Variants in GNB1 observed in about 807,000 individuals in gnomAD.
The protein encoded by GNB1 is guanine nucleotide-binding protein G(I)/G(S)/G(T) subunit beta-1.
Under a neutral mutation model 42.9 loss-of-function variants are expected in GNB1, and 2 were observed. The observed-to-expected ratio is 0.05, with a 90% CI of 0.02 to 0.15. The LOEUF is 0.15. GNB1 is among the 10% of genes least tolerant of loss of function. The probability of loss-of-function intolerance (pLI) is 1.00; values close to 1 mark genes in which losing one functional copy is unlikely to be tolerated. For missense variants in GNB1, 193 were observed against 462.2 expected, an observed-to-expected ratio of 0.42 and a Z score of 5.34; for synonymous variants, 183 against 174.7, an observed-to-expected ratio of 1.05 and a Z score of -0.38.
intron 1 of GNB1, among the ~76,000 whole-genome samples, chr1:1,842,875 C>T (rs1326280074): frequency 4.6e-5 from 7 of 152,220 alleles, no homozygotes; most frequent in Admixed American, 1.3e-4. Context: ...CTTCAGGAAG[C>T]GAAGCCTCGC....
intron 5 of GNB1, among the ~76,000 whole-genome samples, chr1:1,807,463 G>GGA (rs1369704288): frequency 7.8e-5 from 2 of 25,582 alleles, no homozygotes; most frequent in South Asian, 1.6e-3. Flanking sequence ...GATCCTGACT[G>GGA]AAAAAAAAAA....
chr1:1,828,758 G>T (rs907003715), intron 2 of GNB1, among the ~76,000 whole-genome samples: 1 of 152,062 alleles, frequency 6.6e-6, no homozygotes, highest in Non-Finnish European at 1.5e-5. Flanking sequence ...TTAAAAAGGC[G>T]TATTCCTGGC....
intron 1 of GNB1, among the ~76,000 whole-genome samples, chr1:1,854,436 A>C (rs1648154690): frequency 6.6e-6 from 1 of 152,248 alleles, no homozygotes; most frequent in African/African-American, 2.4e-5. Flanking sequence ...TGTTCAGTCC[A>C]ACTGCTATCC....
chr1:1,835,418 TG>T (rs556181679), intron 2 of GNB1, among the ~76,000 whole-genome samples: 2 of 152,206 alleles, frequency 1.3e-5, no homozygotes, highest in Admixed American at 6.5e-5. Context: ...TTAGAATCCA[TG>T]CAAGCCCCTT....
chr1:1,851,054 G>C (rs1647952826), intron 1 of GNB1, among the ~76,000 whole-genome samples: 1 of 152,196 alleles, frequency 6.6e-6, no homozygotes, highest in Admixed American at 6.6e-5. Flanking sequence ...CGGATCACAA[G>C]GTCAGGAGTT....
At chr1:1,889,797 G>GAA (rs1278810786) in intron 1 of GNB1, among the ~76,000 whole-genome samples, 1 of 151,968 alleles carries the variant, frequency 6.6e-6, no homozygotes, top group Non-Finnish European at 1.5e-5. Flanking sequence ...CGATTCACAA[G>GAA]AAAAAATATA....
chr1:1,789,075 A>G lies in GNB1; in HGVS notation c.894T>C (p.Asp298=), dbSNP rs2100479840. 6.2e-7 allele frequency: 1 copy of G among 1,614,122 alleles called. No individual in the cohort carries two copies. The highest frequency in any genetic ancestry group is 8.5e-7 in the Non-Finnish European group (1 of 1,179,958). Residue 298 remains aspartate (D), a synonymous_variant, in exon 10 of 12, where the codon GAT becomes GAC. Transcript: ENST00000378609. ...GYDDFNCNVW[D]ALKADRAGVL... is the part of the protein sequence containing the mutation. ...TACCTGCCCGGTCGGCTTTGAGTGC[A>G]TCCCAGACGTTGCAGTTGAAGTCGT...
At chr1:1,861,564 A>T (rs1889678) in intron 1 of GNB1, among the ~76,000 whole-genome samples, 1 of 151,050 alleles carries the variant, frequency 6.6e-6, no homozygotes, top group Non-Finnish European at 1.5e-5. Context: ...GAGAACAGAC[A>T]CATCTCAGAG....
intron 1 of GNB1, among the ~76,000 whole-genome samples, chr1:1,865,858 G>A (rs1473619951): frequency 3.3e-5 from 5 of 151,932 alleles, no homozygotes; most frequent in African/African-American, 9.7e-5. Flanking sequence ...TGACTTTGGC[G>A]AATTTTCCAA....
intron 1 of GNB1, among the ~76,000 whole-genome samples, chr1:1,848,362 A>G (rs1235131621): frequency 6.6e-6 from 1 of 150,388 alleles, no homozygotes; most frequent in African/African-American, 2.4e-5. Context: ...CCAGGCAAAA[A>G]AAAAAAAAAA....
At chr1:1,859,363 T>C (rs1016051100) in intron 1 of GNB1, among the ~76,000 whole-genome samples, 1 of 147,640 alleles carries the variant, frequency 6.8e-6, no homozygotes, top group Non-Finnish European at 1.5e-5. Context: ...TCCTAGGACA[T>C]AAATAGTTAA....
rs1186419564 is a variant in GNB1 at position 1,891,055 on chromosome 1, C to T, written c.-331G>A. 8.9e-4 allele frequency: 135 copies of T among 152,014 alleles called. 1 individual carries two copies. Among genetic ancestry groups the T allele is most frequent in the Non-Finnish European group, 1.0e-4 (7 of 68,190 alleles). The allele number at this position is 152,014 out of a possible 1,614,324, so 9.4% of individuals were successfully genotyped here. ...CCGCCTCCGTCCGCCCCTCAGACGC[C>T]TCCAGCCATCGGGATGGGCGCGGCG... On this transcript the variant is annotated 5_prime_UTR_variant, in exon 1 of 12. Transcript: ENST00000378609.
Position 1,818,071 on chromosome 1 carries a change from A to T in GNB1, c.58-196T>A. On this transcript the variant is annotated intron_variant, in intron 3 of 11. Transcript: ENST00000378609. ...CTGTGGACTGTCCAGGCCACGCTGA[A>T]CAGAGAACCAGTAGTACCCAAATCT... 3 of 497,556 alleles carry T rather than the reference A, an allele frequency of 6.0e-6. No homozygotes were observed. The South Asian group carries it at 6.1e-5, about 10-fold the overall frequency. 30.8% of individuals were successfully genotyped at this position (497,556 alleles called of 1,614,324 possible).
chr1:1,831,575 A>G (rs1557911369), intron 2 of GNB1, among the ~76,000 whole-genome samples: 1 of 151,818 alleles, frequency 6.6e-6, no homozygotes, highest in East Asian at 2.0e-4. Flanking sequence ...CAGCTTCCCA[A>G]GTAGCTGGGA....
At chr1:1,808,705 G>C (rs1449924826) in intron 5 of GNB1, among the ~76,000 whole-genome samples, 1 of 151,822 alleles carries the variant, frequency 6.6e-6, no homozygotes. Context: ...GTGCAGTGGT[G>C]TGATCTCAGC....
At chr1:1,821,021 A>T (rs1646924403) in intron 3 of GNB1, among the ~76,000 whole-genome samples, 2 of 152,250 alleles carry the variant, frequency 1.3e-5, no homozygotes, top group African/African-American at 4.8e-5. Flanking sequence ...CTGTAGATAC[A>T]TATTATGATG....
intron 2 of GNB1, among the ~76,000 whole-genome samples, chr1:1,832,063 C>CAAAAAAAA (rs574314079): frequency 1.1e-5 from 1 of 87,082 alleles, no homozygotes. Flanking sequence ...GACCTTGTCT[C>CAAAAAAAA]AAAAAAAAAA....
At chr1:1,882,705 G>A (rs1042626985) in intron 1 of GNB1, among the ~76,000 whole-genome samples, 2 of 152,056 alleles carry the variant, frequency 1.3e-5, no homozygotes, top group African/African-American at 2.4e-5. Context: ...GGCAGATCAC[G>A]AGGTCAGGAG....
chr1:1,822,356 T>C (rs1256340776), intron 3 of GNB1, among the ~76,000 whole-genome samples: 1 of 150,294 alleles, frequency 6.7e-6, no homozygotes, highest in African/African-American at 2.4e-5. Context: ...GGCTGGAGTG[T>C]GCAGTGGCGC....
Sources: allele counts gnomAD v4.1 joint callset (sites outside exome capture counted in the v4.1 genomes callset), GRCh38; gene constraint gnomAD v4.1.1; transcripts MANE v1.5; gene names NCBI Gene and HGNC (gene_info 2026-07-23, HGNC 2026-07-21).